Variants in GSG1L observed in about 807,000 individuals in gnomAD.
GSG1L encodes germ cell-specific gene 1-like protein.
GSG1L carries 24 observed loss-of-function variants against 42.1 expected under a neutral mutation model. The observed-to-expected ratio is 0.57, with a 90% CI of 0.41 to 0.80. The LOEUF (loss-of-function observed/expected upper bound fraction) is 0.80, where lower values mean the gene tolerates loss of function less well. Among genes scored for constraint, GSG1L ranks in the 30% least tolerant of loss-of-function variants. GSG1L has a pLI of 0.00. For synonymous variants in GSG1L, 215 were observed against 203.5 expected, an observed-to-expected ratio of 1.06 and a Z score of -0.48; for missense variants, 445 against 472.2, an observed-to-expected ratio of 0.94 and a Z score of 0.53.
intron 1 of GSG1L, among the ~76,000 whole-genome samples, chr16:28,023,210 T>A (rs1478562842): frequency 1.3e-5 from 2 of 152,210 alleles, no homozygotes; most frequent in African/African-American, 4.8e-5. Flanking sequence ...ATACTTATCA[T>A]TCTATCTTTC....
intron 2 of GSG1L, among the ~76,000 whole-genome samples, chr16:27,919,132 G>A (rs767329984): frequency 5.9e-5 from 9 of 152,138 alleles, no homozygotes; most frequent in East Asian, 1.9e-4. Flanking sequence ...TGCAACTTGC[G>A]CATATCACAA....
At chr16:27,966,557 C>T (rs749288010) in intron 1 of GSG1L, among the ~76,000 whole-genome samples, 4 of 152,062 alleles carry the variant, frequency 2.6e-5, no homozygotes, top group Non-Finnish European at 2.9e-5. Context: ...AATGAATACA[C>T]GAGCAAATGA....
Position 28,063,304 on chromosome 16 carries a change from T to G in GSG1L, c.121A>C (p.Lys41Gln). The G allele has an allele frequency of 4.3e-6, 6 of 1,387,772 alleles. No homozygotes were observed. Among genetic ancestry groups the G allele is most frequent in the Non-Finnish European group, 4.7e-6 (5 of 1,062,514 alleles). 86.0% of individuals were successfully genotyped at this position (1,387,772 alleles called of 1,614,324 possible). Residue 41 changes from lysine (K) to glutamine (Q), a missense_variant, in exon 1 of 7, where the codon AAG (lysine) becomes CAG (glutamine). Lys to Gln is a moderately conservative substitution (Grantham distance 53). Around this residue, in one of 3 missense-constraint regions of GSG1L, gnomAD observed 156 missense variants for 128.3 expected, o/e 1.22. Coordinates refer to ENST00000447459, the MANE Select transcript of GSG1L (RefSeq NM_001109763.2). The surrounding 1 kb of genome is among the most constrained non-coding windows in gnomAD (Gnocchi z 5.8). ...HWCQGTQRVP[K>Q]PGCGQGGRAN... The stretch of plus-strand genomic sequence containing the variant: ...CGCCCGCCCTGGCCGCAGCCCGGCT[T>G]GGGGACCCGCTGCGTGCCCTGGCAC...
chr16:27,967,549 C>T (rs767765346), intron 1 of GSG1L, among the ~76,000 whole-genome samples: 79 of 152,188 alleles, frequency 5.2e-4, no homozygotes, highest in Non-Finnish European at 7.2e-4. Flanking sequence ...TCCTGGGCCA[C>T]ACAGCACATT....
chr16:27,906,276 A>T (rs527913973), intron 2 of GSG1L, among the ~76,000 whole-genome samples: 1 of 152,316 alleles, frequency 6.6e-6, no homozygotes, highest in Non-Finnish European at 1.5e-5. Flanking sequence ...TAGCCAGCAT[A>T]TTAAGCAAAA....
At chr16:27,865,570 TATAC>T (rs1483157344) in intron 3 of GSG1L, among the ~76,000 whole-genome samples, 1,969 of 11,808 alleles carry the variant, frequency 0.17, 17 homozygotes, top group Admixed American at 0.2. Flanking sequence ...TATATATATA[TATAC>T]ACACACACAT....
chr16:28,031,221 A>AGGATG (rs74986650), intron 1 of GSG1L, among the ~76,000 whole-genome samples: 33,005 of 69,270 alleles, frequency 0.48, 9,505 homozygotes, highest in Non-Finnish European at 0.6. Context: ...GAGATGGAAT[A>AGGATG]GGATGGGATG....
intron 1 of GSG1L, among the ~76,000 whole-genome samples, chr16:28,014,484 G>A (rs1251574178): frequency 6.6e-6 from 1 of 151,872 alleles, no homozygotes; most frequent in African/African-American, 2.4e-5. Flanking sequence ...ATAAGCACAC[G>A]GAAAGGGGAG....
chr16:28,016,588 A>G (rs1378514954), intron 1 of GSG1L, among the ~76,000 whole-genome samples: 3 of 152,132 alleles, frequency 2.0e-5, no homozygotes, highest in Admixed American at 6.5e-5. Flanking sequence ...ACAGATCATG[A>G]GGTTTTATAG....
At chr16:27,869,311 TC>T (rs1290667767) in intron 3 of GSG1L, among the ~76,000 whole-genome samples, 1 of 151,594 alleles carries the variant, frequency 6.6e-6, no homozygotes, top group Non-Finnish European at 1.5e-5. Context: ...GCCTTCCCTC[TC>T]ATAGGATTAA....
intron 5 of GSG1L, among the ~76,000 whole-genome samples, chr16:27,809,130 T>C (rs1027260730): frequency 3.3e-5 from 5 of 152,156 alleles, no homozygotes; most frequent in Non-Finnish European, 4.4e-5. Context: ...TGGTGGCTCA[T>C]ATCTGTTTTC....
chr16:27,796,548 C>T (rs867837533), intron 6 of GSG1L, among the ~76,000 whole-genome samples: 4 of 152,192 alleles, frequency 2.6e-5, no homozygotes, highest in Admixed American at 6.5e-5. Context: ...CAGCATGGTC[C>T]CAGGCACAGC....
chr16:28,057,917 T>A (rs142162459), intron 1 of GSG1L, among the ~76,000 whole-genome samples: 47 of 152,294 alleles, frequency 3.1e-4, no homozygotes, highest in African/African-American at 1.1e-3. Flanking sequence ...CAGGGCTCTG[T>A]CACCTCCATC....
intron 5 of GSG1L, among the ~76,000 whole-genome samples, chr16:27,816,908 T>C (rs775559990): frequency 5.9e-5 from 9 of 152,194 alleles, no homozygotes; most frequent in Non-Finnish European, 1.3e-4. Flanking sequence ...AAAGTGGGGC[T>C]GGGGACCCTC....
chr16:28,037,972 A>G (rs2086059493), intron 1 of GSG1L, among the ~76,000 whole-genome samples: 1 of 152,142 alleles, frequency 6.6e-6, no homozygotes. Flanking sequence ...CATGGATTAA[A>G]TGTAATCTCA....
At chr16:27,974,358 G>C (rs1248667513) in intron 1 of GSG1L, among the ~76,000 whole-genome samples, 1 of 152,182 alleles carries the variant, frequency 6.6e-6, no homozygotes, top group South Asian at 2.1e-4. Context: ...GTGCCCATGA[G>C]GCCAGAAAAC....
At chr16:27,913,766 G>T (rs184591962) in intron 2 of GSG1L, among the ~76,000 whole-genome samples, 8 of 151,658 alleles carry the variant, frequency 5.3e-5, no homozygotes, top group African/African-American at 1.5e-4. Flanking sequence ...TTACTTTCTG[G>T]TCCTTTTAAA....
chr16:28,063,136 G>A lies in GSG1L; in HGVS notation c.289C>T (p.Leu97Phe). ...ATGCCGGTGTGGAAATTCCTGAAGA[G>A]GAAGCGGTCGTCGCCGGTCTCCCAG... ...YSWETGDDRF[L>F]FRNFHTGIWY... Residue 97 changes from leucine (L) to phenylalanine (F), a missense_variant, in exon 1 of 7, where the codon CTC becomes TTC. Leu to Phe is a conservative substitution (Grantham distance 22). Transcript: ENST00000447459. The surrounding 1 kb of genome is among the most constrained non-coding windows in gnomAD (Gnocchi z 5.8). 7.0e-7 allele frequency: 1 copy of A among 1,436,754 alleles called. No individual in the cohort carries two copies. Among genetic ancestry groups the A allele is most frequent in the South Asian group, 1.3e-5 (1 of 75,042 alleles). 89.0% of individuals were successfully genotyped at this position (1,436,754 alleles called of 1,614,324 possible).
At position 27,952,783 on chromosome 16, in the gene GSG1L, A is replaced by G. The variant is rs1438751848; in HGVS notation, c.397+10373T>C. 2.0e-5 allele frequency among the ~76,000 whole-genome samples: 3 copies of G among 152,274 alleles called. No individual in the cohort carries two copies. The East Asian group carries it at 5.8e-4, about 29-fold the overall frequency. Reference sequence around the variant, plus strand: ...ACTTTTCTTTCCTTTTTAGCAAAGTATACAACACGCACACAGAAAACTGCA... The same window carrying G: ...ACTTTTCTTTCCTTTTTAGCAAAGTGTACAACACGCACACAGAAAACTGCA... On this transcript the variant is annotated intron_variant, in intron 2 of 6. Coordinates refer to ENST00000447459, the MANE Select transcript of GSG1L (RefSeq NM_001109763.2).
Sources: gnomAD v4.1 joint callset for allele counts (sites outside exome capture counted in the v4.1 genomes callset) on GRCh38, gnomAD v4.1.1 for gene constraint, gnomAD v4.1.1 regional missense constraint, Gnocchi (gnomAD v3.1) non-coding constraint, MANE v1.5 for transcripts, NCBI Gene and HGNC (gene_info 2026-07-23, HGNC 2026-07-21) for gene names.